PSME4: variants seen among roughly 807,000 people sequenced by gnomAD.
PSME4 encodes proteasome activator subunit 4, also known as proteasome activator complex subunit 4.
A neutral mutation model predicts 253.9 loss-of-function variants in PSME4; 89 were observed. The ratio of observed to expected loss-of-function variants is 0.35; its 90% CI spans 0.30 to 0.42. The LOEUF is 0.42. Ranked by LOEUF, PSME4 falls within the 10% of genes least tolerant of loss-of-function variation. The probability of loss-of-function intolerance (pLI) is 1.00; values close to 1 mark genes in which losing one functional copy is unlikely to be tolerated. For synonymous variants in PSME4, 851 were observed against 759.2 expected (o/e 1.12, Z -1.99); for missense variants, 2,014 against 2,195.2 (o/e 0.92, Z 1.65).
At chr2:53,942,939 T>C (rs1669520027) in intron 3 of PSME4, among the ~76,000 whole-genome samples, 1 of 152,182 alleles carries the variant, frequency 6.6e-6, no homozygotes, top group Non-Finnish European at 1.5e-5. Context: ...TCTCTGGACC[T>C]CGATTTCCTT....
chr2:53,894,721 G>A (rs1054541156), intron 34 of PSME4, among the ~76,000 whole-genome samples: 2 of 151,276 alleles, frequency 1.3e-5, no homozygotes, highest in African/African-American at 4.9e-5. Context: ...GCTTGTATCA[G>A]AACTGATACA....
chr2:53,899,235 T>A (rs1334198806), intron 29 of PSME4, among the ~76,000 whole-genome samples: 3 of 151,906 alleles, frequency 2.0e-5, no homozygotes, highest in African/African-American at 7.3e-5. Context: ...AGGCTAAATT[T>A]TTGTTTTTTT....
intron 28 of PSME4, 121 bp from the exon 29 acceptor site, chr2:53,900,138 T>C (rs1379481829): frequency 4.3e-6 from 4 of 926,210 alleles, no homozygotes; most frequent in Admixed American, 2.9e-5. Context: ...TATTTTACGA[T>C]TCCATTTATA....
In PSME4 at chr2:53,887,309, C is replaced by T. The variant is rs370442448; in HGVS notation, c.4679G>A (p.Gly1560Glu). The stretch of plus-strand genomic sequence containing the variant: ...AGTTCGCTCATCTTCTTCACCAATT[C>T]CATTTTCTTCCATAACATGGTTCTG... The part of the protein sequence containing the change: ...EIQNHVMEEN[G>E]IGEEDERTQG... Residue 1560 changes from glycine to glutamate, a missense_variant, in exon 40 of 47, where the codon GGA (glycine) becomes GAA (glutamate). By Grantham distance (98) the Gly-to-Glu change is moderately conservative. Transcript: ENST00000404125. The T allele has an allele frequency of 6.2e-7, 1 of 1,613,908 alleles. No individual in the cohort carries two copies. The highest frequency in any genetic ancestry group is 8.5e-7 in the Non-Finnish European group (1 of 1,179,972).
At chr2:53,899,472 T>C (rs1043023376) in intron 29 of PSME4, among the ~76,000 whole-genome samples, 14 of 152,208 alleles carry the variant, frequency 9.2e-5, no homozygotes, top group African/African-American at 3.4e-4. Context: ...GAAGTCAATG[T>C]GTAAACATCA....
chr2:53,935,638 C>T (rs1056580409), intron 7 of PSME4, among the ~76,000 whole-genome samples: 3 of 152,070 alleles, frequency 2.0e-5, no homozygotes, highest in Non-Finnish European at 4.4e-5. Flanking sequence ...ATGATGCTCT[C>T]GATAATATAC....
At chr2:53,940,997 A>T (rs11680085) in intron 3 of PSME4, among the ~76,000 whole-genome samples, 2 of 91,734 alleles carry the variant, frequency 2.2e-5, no homozygotes, top group East Asian at 2.6e-4. Flanking sequence ...ATATATATAT[A>T]TATGAAAGGA....
chr2:53,968,707 T>G (rs1670867718), intron 1 of PSME4, among the ~76,000 whole-genome samples: 1 of 152,226 alleles, frequency 6.6e-6, no homozygotes, highest in South Asian at 2.1e-4. Flanking sequence ...TAAATGGTTA[T>G]GGGTTCATGG....
In PSME4 at chr2:53,865,326, T is replaced by A. The variant is rs982813943; in HGVS notation, c.*252A>T. 4 of 150,646 alleles carry A rather than the reference T, an allele frequency of 2.7e-5. No individual in the cohort carries two copies. Among genetic ancestry groups the A allele is most frequent in the Admixed American group, 2.0e-4 (3 of 14,996 alleles). 9.3% of individuals were successfully genotyped at this position (150,646 alleles called of 1,614,324 possible). A position where few individuals can be genotyped will look rare whatever the true frequency, so the allele number is the denominator to read the frequency against. On this transcript the variant is annotated 3_prime_UTR_variant, in exon 47 of 47. Transcript: ENST00000404125. ...TGGGTAATTATTTCTAGTCTGAGAC[T>A]TTGTGACTTTGTCAGATGCCTCAAA...
chr2:53,965,489 T>C (rs1014075010), intron 1 of PSME4, among the ~76,000 whole-genome samples: 2 of 152,000 alleles, frequency 1.3e-5, no homozygotes, highest in African/African-American at 2.4e-5. Context: ...GTGCAGGGAT[T>C]ACAGGCGTGA....
chr2:53,940,970 T>TATACATATTTAA (rs1669409933), intron 3 of PSME4, among the ~76,000 whole-genome samples: 5 of 67,056 alleles, frequency 7.5e-5, no homozygotes, highest in African/African-American at 1.9e-4. Context: ...TATATATATA[T>TATACATATTTAA]ATATATATAT....
chr2:53,919,218 C>G lies in PSME4; in HGVS notation c.2449G>C (p.Val817Leu), dbSNP rs747678910. 2 of 1,607,926 alleles carry G rather than the reference C, an allele frequency of 1.2e-6. No homozygotes were observed. Among genetic ancestry groups the G allele is most frequent in the South Asian group, 2.2e-5 (2 of 89,802 alleles). The change falls in exon 20 of 47, where the codon GTG (valine) becomes CTG (leucine). Residue 817 changes from valine (V) to leucine (L), a missense_variant. By Grantham distance (32) the Val-to-Leu change is conservative (BLOSUM62 1). Around this residue, in one of 4 missense-constraint regions of PSME4, gnomAD observed 989 missense variants for 1,021.1 expected, o/e 0.97. Transcript: ENST00000404125. ...CCAGAGCCAATTAAACAGTTGTGCA[C>G]TATAGTCAGACTCTGTAGAATATCA... ...RDDILQSLTIVHNCLIGSGNL... is the reference protein window; with the variant it reads ...RDDILQSLTILHNCLIGSGNL...
rs749508523 is a variant in PSME4, at chr2:53,865,321, G to A, written c.*257C>T. 1.3e-5 allele frequency: 2 copies of A among 152,048 alleles called. No homozygotes were observed. The highest frequency in any genetic ancestry group is 4.8e-5 in the African/African-American group (2 of 41,354). The allele number at this position is 152,048 out of a possible 1,614,324, so 9.4% of individuals were successfully genotyped here. ...CATACTGGGTAATTATTTCTAGTCTGAGACTTTGTGACTTTGTCAGATGCC... is the reference window on the plus strand; with the variant it reads ...CATACTGGGTAATTATTTCTAGTCTAAGACTTTGTGACTTTGTCAGATGCC... On this transcript the variant is annotated 3_prime_UTR_variant, in exon 47 of 47. Coordinates refer to ENST00000404125, the MANE Select transcript of PSME4 (RefSeq NM_014614.3).
intron 36 of PSME4, among the ~76,000 whole-genome samples, chr2:53,891,769 G>A (rs1410302038): frequency 6.6e-6 from 1 of 151,450 alleles, no homozygotes; most frequent in Non-Finnish European, 1.5e-5. Flanking sequence ...CTGAGGCATT[G>A]CTTGAACCCA....
intron 20 of PSME4, among the ~76,000 whole-genome samples, chr2:53,914,944 T>G (rs1360424358): frequency 1.3e-5 from 2 of 152,216 alleles, no homozygotes; most frequent in African/African-American, 4.8e-5. Flanking sequence ...ATCCCCAAAG[T>G]GGATACCATT....
At chr2:53,937,644 G>T in intron 4 of PSME4, 104 bp from the exon 5 acceptor site, 1 of 1,016,450 alleles carries the variant, frequency 9.8e-7, no homozygotes, top group Non-Finnish European at 1.5e-6. Context: ...GAGAATATAT[G>T]TCATAGCATG....
intron 13 of PSME4, 98 bp downstream of exon 13, chr2:53,925,861 A>C: frequency 1.5e-6 from 2 of 1,347,692 alleles, no homozygotes; most frequent in Non-Finnish European, 2.1e-6. Flanking sequence ...AGTAGTAGCT[A>C]AATAAAGGTT....
rs142089242 is a variant in PSME4 at position 53,908,331 on chromosome 2, T to C, written c.2773A>G (p.Met925Val). The change falls in exon 24 of 47, where the codon ATG (methionine) becomes GTG (valine). Residue 925 changes from methionine to valine, a missense_variant. Met to Val is a conservative substitution (Grantham distance 21). Coordinates refer to ENST00000404125, the MANE Select transcript of PSME4 (RefSeq NM_014614.3). Reference sequence around the variant, plus strand: ...GTGAAAATACTGACCCGATTTTCCATTGATTTCTTTACTAAGTTGAAGCTT... The same window carrying C: ...GTGAAAATACTGACCCGATTTTCCACTGATTTCTTTACTAAGTTGAAGCTT... ...WKSFNLVKKS[M>V]ENRLHGKKQH... is the part of the protein sequence containing the mutation. 693 of 1,610,586 alleles carry C rather than the reference T, an allele frequency of 4.3e-4. 1 individual carries two copies. Among genetic ancestry groups the C allele is most frequent in the Non-Finnish European group, 5.7e-4 (666 of 1,177,688 alleles).
chr2:53,931,775 C>G (rs930371470), intron 10 of PSME4, 60 bp downstream of exon 10: 8 of 1,521,644 alleles, frequency 5.3e-6, no homozygotes, highest in African/African-American at 2.8e-5. Context: ...AAAAGAGAAT[C>G]GAGCTGAACA....
Sources: gnomAD v4.1 joint callset for allele counts (sites outside exome capture counted in the v4.1 genomes callset) on GRCh38, gnomAD v4.1.1 for gene constraint, gnomAD v4.1.1 regional missense constraint, MANE v1.5 for transcripts, NCBI Gene and HGNC (gene_info 2026-07-23, HGNC 2026-07-21) for gene names.